VANGL1: variants seen among roughly 807,000 people sequenced by gnomAD.
VANGL1 encodes VANGL planar cell polarity protein 1, also known as vang-like protein 1.
Under a neutral mutation model 48.4 loss-of-function variants are expected in VANGL1, and 18 were observed. The observed-to-expected ratio is 0.37, with a 90% CI of 0.26 to 0.55. The LOEUF (loss-of-function observed/expected upper bound fraction) is 0.55. Among genes scored for constraint, VANGL1 ranks in the 20% least tolerant of loss-of-function variants. The probability of loss-of-function intolerance (pLI) is 0.81; values close to 1 mark genes in which losing one functional copy is unlikely to be tolerated. For missense variants in VANGL1, 667 were observed against 675.8 expected (o/e 0.99, Z 0.14); for synonymous variants, 257 against 261.8 (o/e 0.98, Z 0.18).
rs1390468524 is a variant in VANGL1 at position 115,689,429 on chromosome 1, C to T, written c.1315-1690C>T. ...GGTCAATCACCTGAGGTCAGGAGTT[C>T]GAGACCAGCTTGGCCCACATGGTGA... On this transcript the variant is annotated intron_variant, in intron 7 of 7. Transcript: ENST00000355485. Among the ~76,000 whole-genome samples, 164 of 135,426 alleles carry T rather than the reference C, an allele frequency of 1.2e-3. 24 individuals carry two copies. Among genetic ancestry groups the T allele is most frequent in the East Asian group, 2.1e-4 (1 of 4,766 alleles). 88.8% of individuals were successfully genotyped at this position (135,426 alleles called of 152,430 possible). A position where few individuals can be genotyped will look rare whatever the true frequency, so the allele number is the denominator to read the frequency against.
intron 1 of VANGL1, among the ~76,000 whole-genome samples, chr1:115,644,482 G>A (rs1651841797): frequency 1.3e-5 from 2 of 152,156 alleles, no homozygotes; most frequent in Admixed American, 6.5e-5. Flanking sequence ...AGATTAGGTG[G>A]GCTTGTGATT....
chr1:115,672,282 G>T (rs1053502697), intron 4 of VANGL1, among the ~76,000 whole-genome samples: 3 of 152,152 alleles, frequency 2.0e-5, no homozygotes, highest in Non-Finnish European at 4.4e-5. Context: ...ATCTTTCAGT[G>T]GGGATACCCT....
intron 6 of VANGL1, among the ~76,000 whole-genome samples, chr1:115,684,867 C>T (rs1182338226): frequency 6.6e-6 from 1 of 152,098 alleles, no homozygotes; most frequent in African/African-American, 2.4e-5. Context: ...CCAGGGAGCA[C>T]GCAGCTCTGC....
intron 7 of VANGL1, among the ~76,000 whole-genome samples, chr1:115,686,397 C>T (rs940125811): frequency 2.7e-5 from 4 of 145,804 alleles, no homozygotes; most frequent in African/African-American, 7.6e-5. Context: ...AAAATGCCAT[C>T]AGGCATTTTG....
chr1:115,696,507 G>C lies in VANGL1; in HGVS notation c.*5128G>C, dbSNP rs2101047258. 1 of 152,282 alleles carries C rather than the reference G, an allele frequency of 6.6e-6. No homozygotes were observed. Among genetic ancestry groups the C allele is most frequent in the South Asian group, 2.1e-4 (1 of 4,824 alleles). 9.4% of individuals were successfully genotyped at this position (152,282 alleles called of 1,614,324 possible). On this transcript the variant is annotated 3_prime_UTR_variant, in exon 8 of 8. Transcript: ENST00000355485. ...ATAAACCATAGTTTTCTGCCCTGCT[G>C]TTTGCTTTCAATGGAAGACAGTAAA...
chr1:115,654,433 G>A (rs1460579179), intron 2 of VANGL1, among the ~76,000 whole-genome samples: 2 of 139,218 alleles, frequency 1.4e-5, no homozygotes, highest in African/African-American at 2.9e-5. Flanking sequence ...TGCTGACCCC[G>A]CCTAACTTTT....
At chr1:115,643,841 C>G (rs1198142040) in intron 1 of VANGL1, among the ~76,000 whole-genome samples, 1 of 152,154 alleles carries the variant, frequency 6.6e-6, no homozygotes, top group Non-Finnish European at 1.5e-5. Context: ...TCATCATCCC[C>G]TTAACACACT....
rs1653906360 is a variant in VANGL1 at position 115,693,140 on chromosome 1, T to C, written c.*1761T>C. The C allele has an allele frequency of 6.6e-6, 1 of 152,632 alleles. No homozygotes were observed. The highest frequency in any genetic ancestry group is 2.1e-4 in the South Asian group (1 of 4,826). 9.5% of individuals were successfully genotyped at this position (152,632 alleles called of 1,614,324 possible). On this transcript the variant is annotated 3_prime_UTR_variant, in exon 8 of 8. Transcript: ENST00000355485. The stretch of plus-strand genomic sequence containing the variant: ...CCATAGGTGTGGCGTGGAGCCAAGA[T>C]GTACTATTCAACTATGTGTTTCTGT...
In VANGL1 at chr1:115,683,971, C is replaced by T. The variant is rs774179083; in HGVS notation, c.974C>T (p.Ser325Phe). 2 of 1,614,038 alleles carry T rather than the reference C, an allele frequency of 1.2e-6. No homozygotes were observed. The highest frequency in any genetic ancestry group is 1.1e-5 in the South Asian group (1 of 91,068). Residue 325 changes from serine (S) to phenylalanine (F), a missense_variant, in exon 6 of 8, where the codon TCC becomes TTC. Coordinates refer to ENST00000355485, the MANE Select transcript of VANGL1 (RefSeq NM_138959.3). The stretch of plus-strand genomic sequence containing the variant: ...CCCAGTAACAATGCCACTGGCCAGT[C>T]CCGGGCCATGATTGCTGCAGCTGCT... ...DGPSNNATGQ[S>F]RAMIAAAARR... is the part of the protein sequence containing the mutation.
intron 2 of VANGL1, among the ~76,000 whole-genome samples, chr1:115,654,373 A>G (rs17559092): frequency 0.079 from 11,960 of 151,826 alleles, 593 homozygotes; most frequent in African/African-American, 0.13. Context: ...CGATGCCTGC[A>G]GTCTCCAGAG....
At chr1:115,680,110 T>A (rs1309961547) in intron 4 of VANGL1, among the ~76,000 whole-genome samples, 2 of 152,032 alleles carry the variant, frequency 1.3e-5, no homozygotes, top group Non-Finnish European at 2.9e-5. Context: ...TGCCCCTCTC[T>A]GGAGAATGCC....
intron 1 of VANGL1, chr1:115,642,732 G>C (rs1439002968): frequency 6.6e-6 from 1 of 152,214 alleles, no homozygotes; most frequent in South Asian, 2.1e-4. Flanking sequence ...CAAAAACGCC[G>C]GGGTGGAGCA....
chr1:115,691,090 C>T, intron 7 of VANGL1, 29 bp from the exon 8 acceptor site: 12 of 1,614,134 alleles, frequency 7.4e-6, no homozygotes, highest in Non-Finnish European at 1.0e-5. Context: ...GCTGTTTCTT[C>T]CCTAATGGCC....
At chr1:115,644,466 T>C (rs879591820) in intron 1 of VANGL1, among the ~76,000 whole-genome samples, 11 of 152,182 alleles carry the variant, frequency 7.2e-5, no homozygotes, top group Non-Finnish European at 1.2e-4. Flanking sequence ...TTCCTTAAGA[T>C]GGAAAAGATT....
chr1:115,672,873 A>G (rs781566393), intron 4 of VANGL1, among the ~76,000 whole-genome samples: 14 of 152,212 alleles, frequency 9.2e-5, no homozygotes, highest in Non-Finnish European at 1.6e-4. Context: ...ATATTGCCAC[A>G]AATGTACCTG....
At position 115,682,439 on chromosome 1, in the gene VANGL1, A is replaced by C. The variant is rs1415786008; in HGVS notation, c.888A>C (p.Thr296=). 2 of 1,614,072 alleles carry C rather than the reference A, an allele frequency of 1.2e-6. No homozygotes were observed. The highest frequency in any genetic ancestry group is 1.7e-5 in the Admixed American group (1 of 60,010). ...CCATCTATAACCCAAACCTCCTAAC[A>C]GCCTCCAAATTCCGAGCAGCCAAGC... is the stretch of plus-strand genomic sequence containing the variant. The part of the protein sequence containing the change: ...DFTIYNPNLL[T]ASKFRAAKHM... Residue 296 remains threonine (T), a synonymous_variant, in exon 5 of 8, where the codon ACA becomes ACC. Transcript: ENST00000355485.
intron 2 of VANGL1, among the ~76,000 whole-genome samples, chr1:115,652,472 C>G (rs1368916786): frequency 6.6e-6 from 1 of 152,216 alleles, no homozygotes; most frequent in African/African-American, 2.4e-5. Flanking sequence ...TACAGCAGTC[C>G]TCTCCTACAG....
At chr1:115,647,199 A>G (rs1651973412) in intron 1 of VANGL1, among the ~76,000 whole-genome samples, 1 of 143,562 alleles carries the variant, frequency 7.0e-6, no homozygotes, top group African/African-American at 2.9e-5. Flanking sequence ...GAGTCATGTC[A>G]GGGGTCAGTA....
At chr1:115,680,290 G>A (rs1350835392) in intron 4 of VANGL1, among the ~76,000 whole-genome samples, 1 of 152,142 alleles carries the variant, frequency 6.6e-6, no homozygotes, top group Non-Finnish European at 1.5e-5. Flanking sequence ...GCAGCCAGAA[G>A]CTCTTCTCCG....
Sources: allele counts gnomAD v4.1 joint callset (sites outside exome capture counted in the v4.1 genomes callset), GRCh38; gene constraint gnomAD v4.1.1; transcripts MANE v1.5; gene names NCBI Gene and HGNC (gene_info 2026-07-23, HGNC 2026-07-21).